The following UGT1A5 variants were observed in gnomAD, a reference collection of about 807,000 sequenced individuals.
The protein encoded by UGT1A5 is UDP-glucuronosyltransferase 1A5.
A neutral mutation model predicts 40.3 loss-of-function variants in UGT1A5; 29 were observed. That is an observed-to-expected ratio of 0.72 (90% confidence interval 0.54 to 0.98). The LOEUF (loss-of-function observed/expected upper bound fraction) is 0.98, where lower values mean the gene tolerates loss of function less well. UGT1A5 is among the 50% of genes least tolerant of loss of function. The probability of loss-of-function intolerance (pLI) is 0.00; values close to 1 mark genes in which losing one functional copy is unlikely to be tolerated. For missense variants in UGT1A5, 678 were observed against 677.9 expected (o/e 1.00, Z 0.00); for synonymous variants, 257 against 262.5 (o/e 0.98, Z 0.20).
chr2:233,727,172 G>A (rs930119723), intron 1 of UGT1A5, among the ~76,000 whole-genome samples: 2 of 152,114 alleles, frequency 1.3e-5, no homozygotes, highest in African/African-American at 2.4e-5. Flanking sequence ...GCTTTTTTCT[G>A]TCTCTGGACT....
rs749630489 is a variant in UGT1A5, at chr2:233,719,276, C to A, written c.867+5418C>A. On this transcript the variant is annotated intron_variant, in intron 1 of 4. Coordinates refer to ENST00000373414, the MANE Select transcript of UGT1A5 (RefSeq NM_019078.2). ...CTTCCTTTGATGTGGTTTTAACAGA[C>A]CCCGTTAACCTCTGTGGGGCGGTGC... is the stretch of plus-strand genomic sequence containing the variant. 1.5e-5 allele frequency: 25 copies of A among 1,614,000 alleles called. No individual in the cohort carries two copies. The Admixed American group carries it at 3.3e-4, about 22-fold the overall frequency.
At chr2:233,741,039 A>T (rs1218134872) in intron 1 of UGT1A5, among the ~76,000 whole-genome samples, 1 of 151,820 alleles carries the variant, frequency 6.6e-6, no homozygotes, top group African/African-American at 2.4e-5. Context: ...GTAAGCTATG[A>T]TCTTGCCTAG....
At chr2:233,747,950 G>A in intron 1 of UGT1A5, 1 of 1,613,378 alleles carries the variant, frequency 6.2e-7, no homozygotes, top group Non-Finnish European at 8.5e-7. Flanking sequence ...TGTCAGTGGT[G>A]GATCTTCTCA....
chr2:233,762,496 C>A (rs923496675), intron 1 of UGT1A5, among the ~76,000 whole-genome samples: 3 of 152,178 alleles, frequency 2.0e-5, no homozygotes, highest in Non-Finnish European at 4.4e-5. Flanking sequence ...AATGCTATTA[C>A]TTTTTAAACT....
At chr2:233,734,121 T>A (rs76091685) in intron 1 of UGT1A5, among the ~76,000 whole-genome samples, 3,256 of 151,966 alleles carry the variant, frequency 0.021, 102 homozygotes, top group African/African-American at 0.073. Context: ...ATAATAATAA[T>A]AAAAAGAATT....
At chr2:233,739,849 C>T (rs1691223512) in intron 1 of UGT1A5, among the ~76,000 whole-genome samples, 2 of 151,976 alleles carry the variant, frequency 1.3e-5, no homozygotes, top group Admixed American at 1.3e-4. Context: ...TTGGGATGGG[C>T]CAGAGGGCAG....
intron 1 of UGT1A5, among the ~76,000 whole-genome samples, chr2:233,728,858 C>G (rs1482684625): frequency 1.3e-5 from 2 of 152,126 alleles, no homozygotes; most frequent in Admixed American, 6.5e-5. Context: ...GGATGAGAAA[C>G]AAGAGCTTGA....
chr2:233,720,934 C>T (rs1372026548), intron 1 of UGT1A5, among the ~76,000 whole-genome samples: 1 of 148,294 alleles, frequency 6.7e-6, no homozygotes, highest in Non-Finnish European at 1.5e-5. Flanking sequence ...TGGTCTTGAA[C>T]TCCTGACCTC....
chr2:233,764,212 A>G (rs903605972), intron 1 of UGT1A5, among the ~76,000 whole-genome samples: 1 of 152,176 alleles, frequency 6.6e-6, no homozygotes, highest in Non-Finnish European at 1.5e-5. Context: ...TTTTCTTTGA[A>G]GGGAATCAAT....
chr2:233,720,860 T>C (rs2076898580), intron 1 of UGT1A5, among the ~76,000 whole-genome samples: 2 of 148,966 alleles, frequency 1.3e-5, no homozygotes, highest in African/African-American at 5.0e-5. Flanking sequence ...CATGTGCCAC[T>C]GCTCCTGGCA....
At chr2:233,765,924 G>A (rs1285485148) in intron 1 of UGT1A5, among the ~76,000 whole-genome samples, 9 of 152,180 alleles carry the variant, frequency 5.9e-5, no homozygotes, top group Middle Eastern at 3.4e-3. Context: ...GCATACAGAC[G>A]GGCAGGTTGT....
intron 1 of UGT1A5, chr2:233,729,198 C>T (rs2077812796): frequency 6.2e-6 from 10 of 1,614,028 alleles, no homozygotes; most frequent in Non-Finnish European, 8.5e-6. Flanking sequence ...GTGTCCAGCC[C>T]TGGGCTGAGA....
chr2:233,757,539 T>TATATACATATACATATATAC (rs762018928), intron 1 of UGT1A5, among the ~76,000 whole-genome samples: 1 of 115,748 alleles, frequency 8.6e-6, no homozygotes, highest in African/African-American at 3.8e-5. Flanking sequence ...GTAAGGAATA[T>TATATACATATACATATATAC]ATATATATAT....
At chr2:233,723,411 T>C in intron 1 of UGT1A5, among the ~76,000 whole-genome samples, 1 of 134,312 alleles carries the variant, frequency 7.4e-6, no homozygotes, top group African/African-American at 3.0e-5. Context: ...GGTTTCACCA[T>C]ACTGGTCAGG....
At chr2:233,747,346 G>T in intron 1 of UGT1A5, 1 of 1,603,164 alleles carries the variant, frequency 6.2e-7, no homozygotes, top group African/African-American at 1.3e-5. Flanking sequence ...GCTCGCATGC[G>T]GGAGGCCGTG....
chr2:233,717,702 G>A, intron 1 of UGT1A5: 1 of 450,266 alleles, frequency 2.2e-6, no homozygotes, highest in Non-Finnish European at 4.5e-6. Flanking sequence ...TTCTGGAGCA[G>A]GACGAGCCTC....
At chr2:233,720,118 G>C (rs1261428456) in intron 1 of UGT1A5, among the ~76,000 whole-genome samples, 1 of 152,216 alleles carries the variant, frequency 6.6e-6, no homozygotes, top group African/African-American at 2.4e-5. Flanking sequence ...GAAAGATACA[G>C]AGGTGACCAC....
intron 1 of UGT1A5, among the ~76,000 whole-genome samples, chr2:233,757,990 G>A (rs1696768799): frequency 6.6e-6 from 1 of 152,054 alleles, no homozygotes; most frequent in Non-Finnish European, 1.5e-5. Flanking sequence ...ACCATCCCCT[G>A]TAATTGCCTG....
Position 233,713,826 on chromosome 2 carries a change from A to G in UGT1A5, c.835A>G (p.Ile279Val), listed in dbSNP as rs973354070. 6.2e-6 allele frequency: 10 copies of G among 1,613,990 alleles called. No individual in the cohort carries two copies. The African/African-American group carries it at 1.3e-4, about 22-fold the overall frequency. ...IMPNMVFIGGINCANGKPLSQ... is the reference protein window; with the variant it reads ...IMPNMVFIGGVNCANGKPLSQ... ...GCCCAACATGGTCTTCATTGGGGGC[A>G]TCAACTGTGCCAACGGGAAGCCACT... is the stretch of plus-strand genomic sequence containing the variant. The change falls in exon 1 of 5, where the codon ATC (isoleucine) becomes GTC (valine). Residue 279 changes from isoleucine to valine, a missense_variant. Ile to Val is a conservative substitution (Grantham distance 29, BLOSUM62 3). Coordinates refer to ENST00000373414, the MANE Select transcript of UGT1A5 (RefSeq NM_019078.2).
Sources: gnomAD v4.1 joint callset for allele counts (sites outside exome capture counted in the v4.1 genomes callset) on GRCh38, gnomAD v4.1.1 for gene constraint, MANE v1.5 for transcripts, NCBI Gene and HGNC (gene_info 2026-07-23, HGNC 2026-07-21) for gene names.